CEACAM4: variants seen among roughly 807,000 people sequenced by gnomAD.
CEACAM4 encodes CEA cell adhesion molecule 4.
Under a neutral mutation model 28.7 loss-of-function variants are expected in CEACAM4, and 30 were observed. That is an observed-to-expected ratio of 1.05 (90% CI 0.78 to 1.42). CEACAM4 has a LOEUF of 1.42. Among genes scored for constraint, CEACAM4 ranks in the 40% most tolerant of loss-of-function variants. The pLI is 0.00. For synonymous variants in CEACAM4, 143 were observed against 126.5 expected (o/e 1.13, Z -0.87); for missense variants, 330 against 308.2 (o/e 1.07, Z -0.53).
rs1009539873 is a variant in CEACAM4, at chr19:41,620,153, C to T, written c.627+58G>A. 7.7e-6 allele frequency: 11 copies of T among 1,429,976 alleles called. No individual in the cohort carries two copies. In the South Asian group the frequency reaches 1.1e-4, roughly 14 times the overall value. The allele number at this position is 1,429,976 out of a possible 1,614,324, so 88.6% of individuals were successfully genotyped here. On this transcript the variant is annotated intron_variant, in intron 5 of 6. Transcript: ENST00000221954. ...GCTGTGGGGTTGATGGTCCCCCTGCCCTGAGCCTGCACTGTTGGGACCCCA... is the reference window on the plus strand; with the variant it reads ...GCTGTGGGGTTGATGGTCCCCCTGCTCTGAGCCTGCACTGTTGGGACCCCA...
At chr19:41,617,583 CA>C (rs2071007103), downstream of CEACAM4, among the ~76,000 whole-genome samples, 1 of 152,144 alleles carries the variant, frequency 6.6e-6, no homozygotes, top group African/African-American at 2.4e-5. Flanking sequence ...AAAATAACCA[CA>C]AGGCTCCTTC....
chr19:41,625,197 C>T (rs975172799), intron 2 of CEACAM4, among the ~76,000 whole-genome samples: 1 of 152,174 alleles, frequency 6.6e-6, no homozygotes, highest in South Asian at 2.1e-4. Flanking sequence ...GAGACCACAC[C>T]CCAGCCCTGA....
intron 2 of CEACAM4, among the ~76,000 whole-genome samples, chr19:41,623,419 ATTTTTTTTTTT>A (rs57004828): frequency 1.9e-5 from 2 of 105,064 alleles, no homozygotes; most frequent in East Asian, 4.9e-4. Flanking sequence ...TTCGAACTGC[ATTTTTTTTTTT>A]TTTTTTTTTT....
In CEACAM4 at chr19:41,623,934, C is replaced by G. The variant is rs373779793; in HGVS notation, c.424+1667G>C. Among the ~76,000 whole-genome samples, 7 of 152,240 alleles carry G rather than the reference C, an allele frequency of 4.6e-5. No homozygotes were observed. The East Asian group carries it at 9.7e-4, about 21-fold the overall frequency. On this transcript the variant is annotated intron_variant, in intron 2 of 6. Coordinates refer to ENST00000221954, the MANE Select transcript of CEACAM4 (RefSeq NM_001817.4). ...GACTACCCGCAAGCCTGATCCCTCCCCTGAAAACCTTCCCACAGCCCTGCA... is the reference window on the plus strand; with the variant it reads ...GACTACCCGCAAGCCTGATCCCTCCGCTGAAAACCTTCCCACAGCCCTGCA...
intron 2 of CEACAM4, among the ~76,000 whole-genome samples, chr19:41,622,638 T>C (rs1555802028): frequency 6.6e-6 from 1 of 152,164 alleles, no homozygotes; most frequent in African/African-American, 2.4e-5. Flanking sequence ...ACAGAACTCG[T>C]ACATGATAAA....
At chr19:41,620,110 A>C in intron 5 of CEACAM4, 101 bp downstream of exon 5, 1 of 1,081,924 alleles carries the variant, frequency 9.2e-7, no homozygotes, top group Non-Finnish European at 1.3e-6. Flanking sequence ...GTTCTGGGGA[A>C]AGGTGGGTCA....
At chr19:41,619,855 G>A in intron 5 of CEACAM4, 144 bp from the exon 6 acceptor site, 1 of 734,008 alleles carries the variant, frequency 1.4e-6, no homozygotes, top group East Asian at 3.0e-5. Context: ...GACCAGCTCT[G>A]CCCCTGAGCT....
At chr19:41,626,804 C>A (rs1205053967) in intron 1 of CEACAM4, 96 bp downstream of exon 1, 2 of 1,054,202 alleles carry the variant, frequency 1.9e-6, no homozygotes, top group Non-Finnish European at 2.8e-6. Context: ...CCCCAGGAGA[C>A]CCCAGCCAGA....
At chr19:41,616,777 AAGGTC>A (rs2070989958), downstream of CEACAM4, among the ~76,000 whole-genome samples, 1 of 152,028 alleles carries the variant, frequency 6.6e-6, no homozygotes, top group Non-Finnish European at 1.5e-5. Context: ...ATGTGCTTCA[AAGGTC>A]AGGCACAGAG....
At chr19:41,614,059 C>T (rs2070962388), downstream of CEACAM4, among the ~76,000 whole-genome samples, 1 of 152,222 alleles carries the variant, frequency 6.6e-6, no homozygotes, top group Non-Finnish European at 1.5e-5. Flanking sequence ...GTATGGAGGG[C>T]ACCTCCTTTA....
intron 3 of CEACAM4, 99 bp downstream of exon 3, chr19:41,621,552 G>A (rs1568650558): frequency 3.1e-6 from 2 of 646,834 alleles, no homozygotes; most frequent in Non-Finnish European, 5.6e-6. Flanking sequence ...TCCTTGGGAG[G>A]ATGCGGAAAG....
chr19:41,618,546 A>T (rs1049758273), downstream of CEACAM4, among the ~76,000 whole-genome samples: 1 of 152,130 alleles, frequency 6.6e-6, no homozygotes, highest in Non-Finnish European at 1.5e-5. Flanking sequence ...AGGTAAGTTC[A>T]TTTGTGGAGG....
chr19:41,617,723 A>G (rs2071011187), downstream of CEACAM4, among the ~76,000 whole-genome samples: 1 of 152,152 alleles, frequency 6.6e-6, no homozygotes, highest in African/African-American at 2.4e-5. Flanking sequence ...AGGTTGCAGG[A>G]GGCCTCTAGG....
Position 41,620,244 on chromosome 19 carries a change from T to C in CEACAM4, c.596-2A>G. 1 of 1,475,590 alleles carries C rather than the reference T, an allele frequency of 6.8e-7. No homozygotes were observed. The highest frequency in any genetic ancestry group is 8.9e-7 in the Non-Finnish European group (1 of 1,117,608). 91.4% of individuals were successfully genotyped at this position (1,475,590 alleles called of 1,614,324 possible). ...TGGATCTGTGAGAGGGACCATGGCCTGGGGACAGAGACAGGAGTGAGCAGC... is the reference window on the plus strand; with the variant it reads ...TGGATCTGTGAGAGGGACCATGGCCCGGGGACAGAGACAGGAGTGAGCAGC... On this transcript the variant is annotated splice_acceptor_variant, in intron 4 of 6. Coordinates refer to ENST00000221954, the MANE Select transcript of CEACAM4 (RefSeq NM_001817.4). LOFTEE classifies it high-confidence loss of function.
At chr19:41,616,782 C>A (rs1357839987), downstream of CEACAM4, among the ~76,000 whole-genome samples, 1 of 152,062 alleles carries the variant, frequency 6.6e-6, no homozygotes, top group East Asian at 1.9e-4. Flanking sequence ...CTTCAAAGGT[C>A]AGGCACAGAG....
chr19:41,620,227 T>C lies in CEACAM4; in HGVS notation c.611A>G (p.His204Arg). ...PASTPGHGPS[H>R]RSTFSAPLPS... The stretch of plus-strand genomic sequence containing the variant: ...CAGGCTTACCGAGAAGGTGGATCTG[T>C]GAGAGGGACCATGGCCTGGGGACAG... Residue 204 changes from histidine (H) to arginine (R), a missense_variant, in exon 5 of 7, where the codon CAC becomes CGC. His to Arg is a conservative substitution (Grantham distance 29). Transcript: ENST00000221954. 2 of 1,479,284 alleles carry C rather than the reference T, an allele frequency of 1.4e-6. No individual in the cohort carries two copies. Among genetic ancestry groups the C allele is most frequent in the Non-Finnish European group, 1.8e-6 (2 of 1,119,736 alleles). 91.6% of individuals were successfully genotyped at this position (1,479,284 alleles called of 1,614,324 possible).
At position 41,620,198 on chromosome 19, in the gene CEACAM4, G is replaced by C. The variant is rs1463633150; in HGVS notation, c.627+13C>G. 3 of 1,493,254 alleles carry C rather than the reference G, an allele frequency of 2.0e-6. No homozygotes were observed. The highest frequency in any genetic ancestry group is 2.7e-6 in the Non-Finnish European group (3 of 1,126,566). 92.5% of individuals were successfully genotyped at this position (1,493,254 alleles called of 1,614,324 possible). ...ACCCCAGTAGAAAAGGGCTGGGGAGGGAACAGGCTTACCGAGAAGGTGGAT... is the reference window on the plus strand; with the variant it reads ...ACCCCAGTAGAAAAGGGCTGGGGAGCGAACAGGCTTACCGAGAAGGTGGAT... On this transcript the variant is annotated intron_variant, in intron 5 of 6. Coordinates refer to ENST00000221954, the MANE Select transcript of CEACAM4 (RefSeq NM_001817.4).
Position 41,626,893 on chromosome 19 carries a change from C to T in CEACAM4, c.64+7G>A. ...TTCCCACCACTCCCAGAGAGTCCTC[C>T]CCTCACCTGTGATCAGGAGCCCCTG... On this transcript the variant is annotated splice_region_variant and intron_variant, in intron 1 of 6. Transcript: ENST00000221954. 6.2e-7 allele frequency: 1 copy of T among 1,611,288 alleles called. No homozygotes were observed.
At chr19:41,616,532 GATA>G (rs2070986778), downstream of CEACAM4, among the ~76,000 whole-genome samples, 21 of 138,744 alleles carry the variant, frequency 1.5e-4, no homozygotes, top group African/African-American at 5.3e-4. Flanking sequence ...TAGATAGATA[GATA>G]GATAGATAGA....
Sources: allele counts gnomAD v4.1 joint callset (sites outside exome capture counted in the v4.1 genomes callset), GRCh38; gene constraint gnomAD v4.1.1; transcripts MANE v1.5; gene names NCBI Gene and HGNC (gene_info 2026-07-23, HGNC 2026-07-21).